SHISA9: variants seen among roughly 807,000 people sequenced by gnomAD.
SHISA9 encodes the protein shisa family member 9, also known as protein shisa-9.
Under a neutral mutation model 38.0 loss-of-function variants are expected in SHISA9, and 13 were observed. The observed-to-expected ratio is 0.34, with a 90% CI of 0.22 to 0.54. The LOEUF (loss-of-function observed/expected upper bound fraction) is 0.54. SHISA9 is among the 20% of genes least tolerant of loss of function. The pLI is 0.91. For missense variants in SHISA9, 538 were observed against 575.8 expected, an observed-to-expected ratio of 0.93 and a Z score of 0.67; for synonymous variants, 275 against 242.0, an observed-to-expected ratio of 1.14 and a Z score of -1.27.
chr16:13,188,851 C>T lies in SHISA9; in HGVS notation c.692-14543C>T, dbSNP rs146071327. ...ATATTGAAGTCCTATCACCCAGTAC[C>T]CCCAGAATGTGACTTAACTGCAGAT... On this transcript the variant is annotated intron_variant, in intron 2 of 4. Transcript: ENST00000558583. Among the ~76,000 whole-genome samples, 1,131 of 146,750 alleles carry T rather than the reference C, an allele frequency of 7.7e-3. 9 individuals carry two copies. The highest frequency in any genetic ancestry group is 0.026 in the African/African-American group (995 of 38,942).
the SHISA9 span, among the ~76,000 whole-genome samples, chr16:13,358,009 A>T: frequency 2.8e-3 from 429 of 151,718 alleles, 6 homozygotes; most frequent in African/African-American, 1.0e-2. Context: ...CGATATATAT[A>T]CGTGCAGGTC....
intron 2 of SHISA9, among the ~76,000 whole-genome samples, chr16:13,015,180 C>T (rs1486930859): frequency 6.6e-6 from 1 of 152,222 alleles, no homozygotes; most frequent in African/African-American, 2.4e-5. Context: ...TACTGGAATG[C>T]AGCCATGCTT....
At chr16:13,360,056 G>A in the SHISA9 span, among the ~76,000 whole-genome samples, 35 of 152,334 alleles carry the variant, frequency 2.3e-4, no homozygotes, top group African/African-American at 4.8e-4. Context: ...GGGCTAAAGC[G>A]TGGAAGGACA....
At chr16:12,962,769 C>G (rs1408945721) in intron 2 of SHISA9, among the ~76,000 whole-genome samples, 1 of 152,216 alleles carries the variant, frequency 6.6e-6, no homozygotes, top group Admixed American at 6.5e-5. Flanking sequence ...TGGACTAAGA[C>G]AGCATACATT....
the SHISA9 span, among the ~76,000 whole-genome samples, chr16:13,362,419 C>G: frequency 6.6e-6 from 1 of 152,022 alleles, no homozygotes; most frequent in African/African-American, 2.4e-5. Flanking sequence ...CAGAGGGAGA[C>G]CCTGTCTCAG....
In SHISA9 at chr16:13,175,953, G is replaced by T. The variant is rs191085893; in HGVS notation, c.692-27441G>T. 5.1e-4 allele frequency among the ~76,000 whole-genome samples: 77 copies of T among 152,182 alleles called. No homozygotes were observed. The East Asian group carries it at 0.014, about 28-fold the overall frequency. On this transcript the variant is annotated intron_variant, in intron 2 of 4. Transcript: ENST00000558583. ...AGAACTGAGATTTGAACCGAGGTATGTTCTCACTCTCCCTCTGTCTCTTGC... is the reference window on the plus strand; with the variant it reads ...AGAACTGAGATTTGAACCGAGGTATTTTCTCACTCTCCCTCTGTCTCTTGC...
intron 2 of SHISA9, among the ~76,000 whole-genome samples, chr16:13,079,978 C>A (rs2073628872): frequency 6.6e-6 from 1 of 152,106 alleles, no homozygotes; most frequent in Non-Finnish European, 1.5e-5. Flanking sequence ...TGAAGGAAAT[C>A]AAAATATATT....
chr16:13,450,485 T>G, the SHISA9 span, among the ~76,000 whole-genome samples: 159 of 152,340 alleles, frequency 1.0e-3, no homozygotes, highest in African/African-American at 3.6e-3. Context: ...GGTCTCCTCA[T>G]TTTTGTAGCC....
chr16:13,164,069 G>A (rs2050616522), intron 2 of SHISA9, among the ~76,000 whole-genome samples: 1 of 151,950 alleles, frequency 6.6e-6, no homozygotes, highest in Admixed American at 6.6e-5. Context: ...CTTGACTTTG[G>A]GGGATACGTG....
intron 2 of SHISA9, among the ~76,000 whole-genome samples, chr16:13,170,859 G>T (rs1274644010): frequency 6.6e-6 from 1 of 152,286 alleles, no homozygotes; most frequent in East Asian, 1.9e-4. Flanking sequence ...GTTTCACCAT[G>T]TTGGGCAGGC....
At chr16:13,515,430 T>G in the SHISA9 span, among the ~76,000 whole-genome samples, 15 of 152,310 alleles carry the variant, frequency 9.8e-5, no homozygotes, top group African/African-American at 3.6e-4. Context: ...TTATTTAAAA[T>G]GTAATTGACA....
chr16:13,410,125 T>C, the SHISA9 span, among the ~76,000 whole-genome samples: 2 of 152,206 alleles, frequency 1.3e-5, no homozygotes, highest in African/African-American at 4.8e-5. Flanking sequence ...AGCAAAGCAG[T>C]GAAACAAGTC....
At chr16:13,559,301 G>A in the SHISA9 span, among the ~76,000 whole-genome samples, 2 of 152,034 alleles carry the variant, frequency 1.3e-5, no homozygotes, top group Non-Finnish European at 2.9e-5. Context: ...GCCCAGAGAA[G>A]GGTAGTGATT....
the SHISA9 span, among the ~76,000 whole-genome samples, chr16:13,379,201 A>C: frequency 2.0e-5 from 3 of 152,190 alleles, no homozygotes; most frequent in African/African-American, 7.2e-5. Context: ...AGTGAGTTTG[A>C]ATATGAAAAA....
chr16:13,459,967 G>T, the SHISA9 span, among the ~76,000 whole-genome samples: 35 of 152,224 alleles, frequency 2.3e-4, no homozygotes, highest in Non-Finnish European at 1.5e-4. Flanking sequence ...GAGTGCAGTG[G>T]CATGATCTCT....
chr16:13,214,078 T>C (rs2051145133), intron 4 of SHISA9, among the ~76,000 whole-genome samples: 1 of 152,216 alleles, frequency 6.6e-6, no homozygotes, highest in African/African-American at 2.4e-5. Flanking sequence ...CTAAGCTATT[T>C]TCCACTAGGG....
intron 2 of SHISA9, among the ~76,000 whole-genome samples, chr16:12,974,014 T>G (rs550480630): frequency 6.6e-6 from 1 of 152,270 alleles, no homozygotes; most frequent in South Asian, 2.1e-4. Flanking sequence ...AGGCCCAGAG[T>G]GGGCTGAAGA....
the SHISA9 span, among the ~76,000 whole-genome samples, chr16:13,254,942 T>C: frequency 5.3e-5 from 8 of 152,364 alleles, no homozygotes; most frequent in East Asian, 1.5e-3. Context: ...TTGAGCTGTT[T>C]GAGCAGCAGG....
the SHISA9 span, among the ~76,000 whole-genome samples, chr16:13,391,392 A>G: frequency 6.6e-6 from 1 of 152,188 alleles, no homozygotes; most frequent in Admixed American, 6.5e-5. Context: ...TCACAACTGA[A>G]AAAAGGCTAA....
Sources: gnomAD v4.1 joint callset for allele counts (sites outside exome capture counted in the v4.1 genomes callset) on GRCh38, gnomAD v4.1.1 for gene constraint, MANE v1.5 for transcripts, NCBI Gene and HGNC (gene_info 2026-07-23, HGNC 2026-07-21) for gene names.